CDKL5: variants seen among roughly 807,000 people sequenced by gnomAD.
The protein encoded by CDKL5 is cyclin-dependent kinase-like 5.
CDKL5 carries 8 observed loss-of-function variants against 61.7 expected under a neutral mutation model. That is an observed-to-expected ratio of 0.13 (90% confidence interval 0.08 to 0.23). CDKL5 has a LOEUF of 0.23. CDKL5 is among the 10% of genes least tolerant of loss of function. The pLI is 1.00. For missense variants in CDKL5, 440 were observed against 734.5 expected, an observed-to-expected ratio of 0.60 and a Z score of 4.63; for synonymous variants, 275 against 272.3, an observed-to-expected ratio of 1.01 and a Z score of -0.10.
chrX:18,574,129 A>G (rs1169767371), intron 4 of CDKL5, among the ~76,000 whole-genome samples: 1 of 111,791 alleles, frequency 8.9e-6, no homozygotes, highest in East Asian at 2.8e-4. Flanking sequence ...TGAGGGTCAC[A>G]CAGCTCTCAA....
At position 18,603,995 on chromosome X, in the gene CDKL5, C is replaced by T. The variant is rs144204039; in HGVS notation, c.1071C>T (p.Asp357=). ...TGAGTGTAGGCCTGCCCCGGGCTGA[C>T]GAAGGTCTCCCTGCCAATGAAAGCT... ...QNLSVGLPRA[D]EGLPANESFL... is the part of the protein sequence containing the mutation. The change falls in exon 12 of 18, where the codon GAC becomes GAT. Residue 357 remains aspartate, a synonymous_variant. Transcript: ENST00000623535. 3.2e-5 allele frequency: 39 copies of T among 1,208,987 alleles called. No homozygotes were observed. The highest frequency in any genetic ancestry group is 4.1e-5 in the Non-Finnish European group (37 of 894,866).
chrX:18,630,484 T>G lies in CDKL5; in HGVS notation c.*1727T>G. 2 of 753,367 alleles carry G rather than the reference T, an allele frequency of 2.7e-6. No homozygotes were observed. The highest frequency in any genetic ancestry group is 3.1e-6 in the Non-Finnish European group (2 of 638,815). The allele number at this position is 753,367 out of a possible 1,213,427, so 62.1% of individuals were successfully genotyped here. A position where few individuals can be genotyped will look rare whatever the true frequency, so the allele number is the denominator to read the frequency against. ...TCTGAGTGTCAGCCCCTGCATCAAG[T>G]CAGCTATGATCAAAATGTGCTGTTA... is the stretch of plus-strand genomic sequence containing the variant. On this transcript the variant is annotated 3_prime_UTR_variant, in exon 18 of 18. Coordinates refer to ENST00000623535, the MANE Select transcript of CDKL5 (RefSeq NM_001323289.2).
intron 12 of CDKL5, among the ~76,000 whole-genome samples, 162 bp downstream of exon 12, chrX:18,605,030 TG>T (rs1335733351): frequency 3.8e-4 from 43 of 112,214 alleles, no homozygotes; most frequent in Non-Finnish European, 5.4e-4. Flanking sequence ...TCTGTTTTTT[TG>T]TTTTTTGTTT....
intron 4 of CDKL5, among the ~76,000 whole-genome samples, chrX:18,565,731 T>C (rs1303019291): frequency 8.9e-6 from 1 of 112,560 alleles, no homozygotes; most frequent in Non-Finnish European, 1.9e-5. Flanking sequence ...GTGCTAGTTA[T>C]ATGAAACACA....
intron 9 of CDKL5, among the ~76,000 whole-genome samples, chrX:18,594,627 T>A (rs1028616688): frequency 9.8e-5 from 11 of 112,112 alleles, no homozygotes; most frequent in African/African-American, 3.2e-4. Context: ...CTATCTAATG[T>A]CTTATCATAT....
intron 1 of CDKL5, among the ~76,000 whole-genome samples, chrX:18,494,301 G>A (rs922352889): frequency 8.9e-6 from 1 of 111,799 alleles, no homozygotes; most frequent in African/African-American, 3.2e-5. Flanking sequence ...AGGCTGGAGT[G>A]CAATGGCAAG....
intron 1 of CDKL5, among the ~76,000 whole-genome samples, chrX:18,500,439 C>T (rs1922342189): frequency 8.9e-6 from 1 of 112,200 alleles, no homozygotes; most frequent in Non-Finnish European, 1.9e-5. Flanking sequence ...GTTTTTCTCT[C>T]ATTTTCTGGA....
intron 1 of CDKL5, among the ~76,000 whole-genome samples, chrX:18,461,957 GTATCCTT>G (rs1282097441): frequency 2.7e-5 from 3 of 111,543 alleles, no homozygotes; most frequent in Non-Finnish European, 1.9e-5. Context: ...AGAGGGGAAG[GTATCCTT>G]GTAAAGTAAG....
At position 18,635,258 on chromosome X, in the gene CDKL5, G is replaced by T. The variant is rs1040137100; in HGVS notation, c.*6501G>T. 25 of 748,312 alleles carry T rather than the reference G, an allele frequency of 3.3e-5. No individual in the cohort carries two copies. The highest frequency in any genetic ancestry group is 3.9e-5 in the Non-Finnish European group (25 of 635,968). 61.7% of individuals were successfully genotyped at this position (748,312 alleles called of 1,213,427 possible). A position where few individuals can be genotyped will look rare whatever the true frequency, so the allele number is the denominator to read the frequency against. ...AAACTTATGTAAAATTTCTATTGTT[G>T]CTGTAAATATTACACAAATATCTAT... On this transcript the variant is annotated 3_prime_UTR_variant, in exon 18 of 18. Coordinates refer to ENST00000623535, the MANE Select transcript of CDKL5 (RefSeq NM_001323289.2).
intron 3 of CDKL5, among the ~76,000 whole-genome samples, chrX:18,545,100 C>G (rs1042707505): frequency 6.4e-5 from 7 of 110,077 alleles, no homozygotes; most frequent in Non-Finnish European, 9.5e-5. Flanking sequence ...TGGTGGCACA[C>G]AGATAGTAGC....
At chrX:18,475,054 T>C (rs1921254285) in intron 1 of CDKL5, among the ~76,000 whole-genome samples, 1 of 107,497 alleles carries the variant, frequency 9.3e-6, no homozygotes, top group Non-Finnish European at 1.9e-5. Flanking sequence ...CCTCCTGGGT[T>C]CAAGCAATTC....
chrX:18,528,585 CCTCT>C (rs752729307), intron 3 of CDKL5, among the ~76,000 whole-genome samples: 32 of 103,801 alleles, frequency 3.1e-4, no homozygotes, highest in East Asian at 1.5e-3. Flanking sequence ...TCCCTCCCTG[CCTCT>C]CTCTCTCTCT....
At chrX:18,534,688 T>C (rs909245249) in intron 3 of CDKL5, among the ~76,000 whole-genome samples, 5 of 112,334 alleles carry the variant, frequency 4.5e-5, no homozygotes, top group Non-Finnish European at 9.4e-5. Flanking sequence ...AAGTATGAAT[T>C]GTTAATTCAG....
intron 1 of CDKL5, among the ~76,000 whole-genome samples, chrX:18,427,737 A>G (rs1931398892): frequency 8.9e-6 from 1 of 111,967 alleles, no homozygotes; most frequent in South Asian, 3.7e-4. Context: ...AATTTGAAAT[A>G]GAATTCTTTG....
intron 3 of CDKL5, among the ~76,000 whole-genome samples, chrX:18,538,463 A>G (rs754299605): frequency 1.8e-5 from 2 of 109,994 alleles, no homozygotes; most frequent in South Asian, 3.8e-4. Flanking sequence ...TTTTTTTCCT[A>G]TGGACTGTGC....
chrX:18,462,039 A>G (rs1932299713), intron 1 of CDKL5, among the ~76,000 whole-genome samples: 1 of 110,147 alleles, frequency 9.1e-6, no homozygotes, highest in Non-Finnish European at 1.9e-5. Flanking sequence ...GGCCCAGCAC[A>G]AATTCGTAAA....
rs1183094237 is a variant in CDKL5, at chrX:18,629,885, C to T, written c.*1128C>T. The T allele has an allele frequency of 1.3e-6, 1 of 752,138 alleles. No individual in the cohort carries two copies. The highest frequency in any genetic ancestry group is 1.6e-6 in the Non-Finnish European group (1 of 638,862). The allele number at this position is 752,138 out of a possible 1,213,427, so 62.0% of individuals were successfully genotyped here. A position where few individuals can be genotyped will look rare whatever the true frequency, so the allele number is the denominator to read the frequency against. ...TCTTCCACTTAGCATTAGTGTAGAG[C>T]GTAGACCAAAGATTTGCCAGTGAAC... On this transcript the variant is annotated 3_prime_UTR_variant, in exon 18 of 18. Transcript: ENST00000623535.
rs776973532 is a variant in CDKL5, at chrX:18,609,657, G to A, written c.2152+87G>A. ...ACTGCTTTCACCGACTCAGGCCAGC[G>A]GCCTTCTCACCTACACTGTCGCCTT... On this transcript the variant is annotated intron_variant, in intron 14 of 17. Coordinates refer to ENST00000623535, the MANE Select transcript of CDKL5 (RefSeq NM_001323289.2). The A allele has an allele frequency of 2.3e-5, 27 of 1,167,557 alleles. No homozygotes were observed. In the African/African-American group the frequency reaches 3.9e-4, roughly 17 times the overall value.
At chrX:18,650,349 G>C (rs1927974737) in intron 20 of CDKL5, 1 of 1,112,900 alleles carries the variant, frequency 9.0e-7, no homozygotes, top group Non-Finnish European at 1.2e-6. Context: ...TGGTGTCTGG[G>C]AGCCGATGCC....
Sources: gnomAD v4.1 joint callset for allele counts (sites outside exome capture counted in the v4.1 genomes callset) on GRCh38, gnomAD v4.1.1 for gene constraint, MANE v1.5 for transcripts, NCBI Gene and HGNC (gene_info 2026-07-23, HGNC 2026-07-21) for gene names.